Variants in ANXA8 observed in about 807,000 individuals in gnomAD.
ANXA8 encodes VAC-beta.
A neutral mutation model predicts 26.8 loss-of-function variants in ANXA8; 9 were observed. The observed-to-expected ratio is 0.34, with a 90% CI of 0.20 to 0.59. The LOEUF is 0.59. Ranked by LOEUF, ANXA8 falls within the 20% of genes least tolerant of loss-of-function variation. ANXA8 has a pLI of 0.84. For synonymous variants in ANXA8, 39 were observed against 94.8 expected (o/e 0.41, Z 3.42); for missense variants, 83 against 238.5 (o/e 0.35, Z 4.29).
chr10:47,643,422 G>A, the ANXA8 span, among the ~76,000 whole-genome samples: 1 of 145,008 alleles, frequency 6.9e-6, no homozygotes. Flanking sequence ...CCAGCTACTC[G>A]GGAGGCTGAG....
the ANXA8 span, among the ~76,000 whole-genome samples, chr10:47,988,978 C>T: frequency 6.6e-6 from 1 of 151,660 alleles, no homozygotes; most frequent in African/African-American, 2.4e-5. Context: ...CTCCTGTTAG[C>T]ACTTCAAGCC....
the ANXA8 span, among the ~76,000 whole-genome samples, chr10:47,523,813 C>T: frequency 2.1e-4 from 31 of 148,118 alleles, no homozygotes; most frequent in Non-Finnish European, 3.6e-4. Context: ...ACCCAACAAG[C>T]GCTGAGAGAC....
At chr10:47,960,024 G>A in the ANXA8 span, among the ~76,000 whole-genome samples, 3 of 148,054 alleles carry the variant, frequency 2.0e-5, no homozygotes, top group Admixed American at 6.7e-5. Flanking sequence ...CAGCCCTGTC[G>A]GGCCTTTGGA....
At chr10:47,966,969 T>C in the ANXA8 span, among the ~76,000 whole-genome samples, 1 of 148,814 alleles carries the variant, frequency 6.7e-6, no homozygotes, top group Non-Finnish European at 1.5e-5. Context: ...AATTATGTTT[T>C]TTCCCCATGA....
the ANXA8 span, among the ~76,000 whole-genome samples, chr10:47,597,611 A>G: frequency 3.4e-5 from 5 of 145,166 alleles, no homozygotes; most frequent in Non-Finnish European, 7.4e-5. Flanking sequence ...TATACAATGC[A>G]ATATTCAAAC....
At chr10:47,937,367 C>T in the ANXA8 span, among the ~76,000 whole-genome samples, 1 of 149,406 alleles carries the variant, frequency 6.7e-6, no homozygotes, top group East Asian at 1.9e-4. Flanking sequence ...AGAATATTTT[C>T]AAGAATTTGT....
the ANXA8 span, among the ~76,000 whole-genome samples, chr10:47,606,470 T>C: frequency 3.4e-5 from 5 of 145,900 alleles, no homozygotes; most frequent in Admixed American, 2.7e-4. Flanking sequence ...TGCCCATCAG[T>C]GGTCTGCTGG....
chr10:47,533,223 ACCCCCG>A, the ANXA8 span, among the ~76,000 whole-genome samples: 119 of 138,580 alleles, frequency 8.6e-4, no homozygotes, highest in South Asian at 1.6e-3. Context: ...ACACACACAC[ACCCCCG>A]CAGACACCCT....
In ANXA8 at chr10:47,484,101, T is replaced by A. The variant is rs1277577211; in HGVS notation, c.-168A>T. 37 of 1,564,306 alleles carry A rather than the reference T, an allele frequency of 2.4e-5. No individual in the cohort carries two copies. Among genetic ancestry groups the A allele is most frequent in the Non-Finnish European group, 3.2e-5 (36 of 1,142,032 alleles). On this transcript the variant is annotated 5_prime_UTR_variant, in exon 1 of 12. Transcript: ENST00000585281. ...AGCGCCACACCTGCCTGCCGTCCCCTCGCCCCCGGGCTCTGCCTGGCTTTG... is the reference window on the plus strand; with the variant it reads ...AGCGCCACACCTGCCTGCCGTCCCCACGCCCCCGGGCTCTGCCTGGCTTTG...
chr10:47,711,357 A>G, the ANXA8 span, among the ~76,000 whole-genome samples: 2 of 149,942 alleles, frequency 1.3e-5, no homozygotes, highest in Non-Finnish European at 2.9e-5. Flanking sequence ...TAACAATCAA[A>G]GACAGTTTCA....
chr10:47,699,859 G>A, the ANXA8 span, among the ~76,000 whole-genome samples: 1 of 151,644 alleles, frequency 6.6e-6, no homozygotes, highest in Non-Finnish European at 1.5e-5. Context: ...ATAGTAATTA[G>A]ACAATATACA....
At chr10:47,583,630 G>C in the ANXA8 span, among the ~76,000 whole-genome samples, 365 of 132,726 alleles carry the variant, frequency 2.8e-3, 4 homozygotes, top group South Asian at 4.4e-3. Context: ...TCCCTGGAGG[G>C]TTCGGATCAA....
chr10:47,502,637 T>A, the ANXA8 span: 27 of 1,607,522 alleles, frequency 1.7e-5, 1 homozygote, highest in Admixed American at 4.0e-4. Context: ...TCAATACACA[T>A]GAGGACTCCC....
the ANXA8 span, among the ~76,000 whole-genome samples, chr10:47,949,121 TAC>T: frequency 5.4e-3 from 73 of 13,546 alleles, 15 homozygotes; most frequent in African/African-American, 0.023. Flanking sequence ...GCCAATTCCT[TAC>T]ACACACACAC....
chr10:47,739,076 G>A, the ANXA8 span, among the ~76,000 whole-genome samples: 4 of 143,706 alleles, frequency 2.8e-5, no homozygotes, highest in African/African-American at 1.0e-4. Context: ...GAGGAGATAG[G>A]TGCACCCTTC....
At chr10:47,490,628 C>CAGCTTTTCTCCCAACGCTG in the ANXA8 span, among the ~76,000 whole-genome samples, 9 of 148,258 alleles carry the variant, frequency 6.1e-5, no homozygotes, top group African/African-American at 2.0e-4. Context: ...AGCCCTGCCT[C>CAGCTTTTCTCCCAACGCTG]AGCTTTTCTC....
chr10:47,733,199 TTC>T, the ANXA8 span, among the ~76,000 whole-genome samples: 1 of 112,468 alleles, frequency 8.9e-6, no homozygotes, highest in Non-Finnish European at 2.0e-5. Context: ...CTTTCTTTCT[TTC>T]TTTCTTTCTT....
the ANXA8 span, among the ~76,000 whole-genome samples, chr10:47,506,004 T>TA: frequency 1.7e-3 from 247 of 142,790 alleles, 26 homozygotes; most frequent in African/African-American, 5.7e-3. Context: ...TTTCAATACT[T>TA]AAAGGCCTGT....
chr10:47,938,677 C>A, the ANXA8 span, among the ~76,000 whole-genome samples: 33 of 144,876 alleles, frequency 2.3e-4, no homozygotes, highest in Non-Finnish European at 4.3e-4. Context: ...TTGGGCCTCC[C>A]TAGGAAAATT....
Sources: allele counts gnomAD v4.1 joint callset (sites outside exome capture counted in the v4.1 genomes callset), GRCh38; gene constraint gnomAD v4.1.1; transcripts MANE v1.5; gene names NCBI Gene and HGNC (gene_info 2026-07-23, HGNC 2026-07-21).